BICC1: variants seen among roughly 807,000 people sequenced by gnomAD.
BICC1 encodes protein bicaudal C homolog 1.
Under a neutral mutation model 111.0 loss-of-function variants are expected in BICC1, and 43 were observed. The observed-to-expected ratio is 0.39, with a 90% CI of 0.30 to 0.50. The LOEUF (loss-of-function observed/expected upper bound fraction) is 0.50. Ranked by LOEUF, BICC1 falls within the 20% of genes least tolerant of loss-of-function variation. The pLI is 0.88. For missense variants in BICC1, 1,091 were observed against 1,203.2 expected (o/e 0.91, Z 1.38); for synonymous variants, 467 against 434.4 (o/e 1.07, Z -0.93).
chr10:58,738,823 C>T (rs1292827801), intron 3 of BICC1, among the ~76,000 whole-genome samples: 4 of 151,380 alleles, frequency 2.6e-5, no homozygotes, highest in Admixed American at 6.6e-5. Context: ...AAGTTGGATT[C>T]CTAGGTATTT....
At chr10:58,519,014 A>T (rs1236403554) in intron 1 of BICC1, among the ~76,000 whole-genome samples, 1 of 152,200 alleles carries the variant, frequency 6.6e-6, no homozygotes, top group African/African-American at 2.4e-5. Context: ...ACTAACAGGA[A>T]ACCTGACACA....
chr10:58,661,267 T>G (rs1436384780), intron 2 of BICC1, among the ~76,000 whole-genome samples: 3 of 152,030 alleles, frequency 2.0e-5, no homozygotes, highest in Admixed American at 6.6e-5. Flanking sequence ...TGTTTCTGCT[T>G]CTTTGCTCAA....
At chr10:58,579,704 G>A (rs1844214453) in intron 1 of BICC1, among the ~76,000 whole-genome samples, 1 of 152,108 alleles carries the variant, frequency 6.6e-6, no homozygotes, top group South Asian at 2.1e-4. Context: ...TCCTACTGCT[G>A]AGCCTGTGAA....
At chr10:58,586,633 CAA>C (rs5785328) in intron 1 of BICC1, among the ~76,000 whole-genome samples, 13 of 147,320 alleles carry the variant, frequency 8.8e-5, no homozygotes, top group Admixed American at 1.3e-4. Context: ...AAAAAAAAAA[CAA>C]AAAAAAACCT....
At chr10:58,737,761 CT>C (rs1841520709) in intron 3 of BICC1, among the ~76,000 whole-genome samples, 1 of 152,190 alleles carries the variant, frequency 6.6e-6, no homozygotes, top group Non-Finnish European at 1.5e-5. Flanking sequence ...TGTTTCCTGA[CT>C]TTTTAATGAT....
At chr10:58,725,745 C>G (rs923161747) in intron 3 of BICC1, among the ~76,000 whole-genome samples, 1 of 152,188 alleles carries the variant, frequency 6.6e-6, no homozygotes, top group African/African-American at 2.4e-5. Flanking sequence ...CCATGTTAAA[C>G]AACCTGGAAT....
chr10:58,649,660 GGTAA>G (rs2132244934), intron 2 of BICC1, among the ~76,000 whole-genome samples: 1 of 152,290 alleles, frequency 6.6e-6, no homozygotes, highest in Admixed American at 6.5e-5. Flanking sequence ...ACTGCATCCA[GGTAA>G]GTAAGGAGAT....
intron 3 of BICC1, among the ~76,000 whole-genome samples, chr10:58,743,163 G>A (rs1182267176): frequency 6.6e-6 from 1 of 152,168 alleles, no homozygotes; most frequent in Non-Finnish European, 1.5e-5. Flanking sequence ...TTTACAGAAT[G>A]ACAAGCAGAC....
chr10:58,695,836 C>T (rs1197954897), intron 2 of BICC1, among the ~76,000 whole-genome samples: 1 of 152,040 alleles, frequency 6.6e-6, no homozygotes, highest in Non-Finnish European at 1.5e-5. Context: ...TGAGATAAAT[C>T]TATTATGACT....
chr10:58,566,168 A>ATACATATACACACGTGTGTATATG (rs1843750686), intron 1 of BICC1, among the ~76,000 whole-genome samples: 2 of 151,646 alleles, frequency 1.3e-5, no homozygotes, highest in Admixed American at 6.6e-5. Context: ...GTGTGTATAT[A>ATACATATACACACGTGTGTATATG]TACATATACA....
chr10:58,734,363 T>G (rs1841406137), intron 3 of BICC1, among the ~76,000 whole-genome samples: 2 of 152,230 alleles, frequency 1.3e-5, no homozygotes, highest in Admixed American at 6.5e-5. Flanking sequence ...TTAATTGTGG[T>G]CTTTGGCTAT....
In BICC1 at chr10:58,800,195, C is replaced by G. The variant is rs1184639512; in HGVS notation, c.1727C>G (p.Ser576Cys). Reference protein sequence around the residue: ...ISAALNGHAQSPDIKYGAIST... With the variant: ...ISAALNGHAQCPDIKYGAIST... The stretch of plus-strand genomic sequence containing the variant: ...CATTATTTTCTATTATTATTTTAGT[C>G]TCCAGATATAAAATATGGTGCAATA... Residue 576 changes from serine (S) to cysteine (C), a missense_variant and splice_region_variant, in exon 13 of 21, where the codon TCT becomes TGT. This residue lies in a region of BICC1 where 843 missense variants were observed against 900.8 expected (regional missense o/e 0.94). Transcript: ENST00000373886. The G allele has an allele frequency of 6.3e-7, 1 of 1,588,830 alleles. No homozygotes were observed. Among genetic ancestry groups the G allele is most frequent in the South Asian group, 1.1e-5 (1 of 89,484 alleles).
chr10:58,618,488 C>T (rs1049087211), intron 1 of BICC1, among the ~76,000 whole-genome samples: 2 of 152,196 alleles, frequency 1.3e-5, no homozygotes, highest in East Asian at 3.9e-4. Flanking sequence ...TTGGCTCGCG[C>T]CCAGGTTTGC....
At chr10:58,575,689 G>A (rs1478625036) in intron 1 of BICC1, among the ~76,000 whole-genome samples, 2 of 152,020 alleles carry the variant, frequency 1.3e-5, no homozygotes, top group Non-Finnish European at 2.9e-5. Context: ...CTCCTAGGCA[G>A]CTGAGTCTGT....
intron 3 of BICC1, among the ~76,000 whole-genome samples, chr10:58,757,423 A>C (rs1047873534): frequency 6.6e-6 from 1 of 152,064 alleles, no homozygotes; most frequent in Non-Finnish European, 1.5e-5. Flanking sequence ...TGGAAAATGC[A>C]CTCCTAATTG....
At position 58,785,076 on chromosome 10, in the gene BICC1, C is replaced by A. The variant is rs573010214; in HGVS notation, c.383C>A (p.Thr128Lys). ...GAAATGATCATGTCTGTCTTAGACA[C>A]AAAAGTAAGTGAATGTTAAGGACAC... ...AKEMIMSVLD[T>K]KSNRVTLKMD... Residue 128 changes from threonine to lysine, a missense_variant, in exon 4 of 21, where the codon ACA becomes AAA. By Grantham distance (78) the Thr-to-Lys change is moderately conservative. Coordinates refer to ENST00000373886, the MANE Select transcript of BICC1 (RefSeq NM_001080512.3). The A allele has an allele frequency of 6.4e-7, 1 of 1,569,988 alleles. No homozygotes were observed.
chr10:58,516,335 C>A (rs981054593), intron 1 of BICC1, among the ~76,000 whole-genome samples: 1 of 152,034 alleles, frequency 6.6e-6, no homozygotes. Flanking sequence ...AATTCTTCTA[C>A]GCAATGGACC....
intron 2 of BICC1, among the ~76,000 whole-genome samples, chr10:58,653,935 G>A (rs921368749): frequency 6.7e-6 from 1 of 150,178 alleles, no homozygotes; most frequent in Admixed American, 6.6e-5. Flanking sequence ...TGCGGTGTTT[G>A]GTTTTTTGTT....
At chr10:58,801,770 T>C (rs1843555906) in intron 14 of BICC1, among the ~76,000 whole-genome samples, 1 of 152,166 alleles carries the variant, frequency 6.6e-6, no homozygotes, top group Admixed American at 6.5e-5. Flanking sequence ...CTTATTAAAA[T>C]CCATTTTCCT....
Sources: gnomAD v4.1 joint callset for allele counts (sites outside exome capture counted in the v4.1 genomes callset) on GRCh38, gnomAD v4.1.1 for gene constraint, gnomAD v4.1.1 regional missense constraint, MANE v1.5 for transcripts, NCBI Gene and HGNC (gene_info 2026-07-23, HGNC 2026-07-21) for gene names.